PARD3B: variants seen among roughly 807,000 people sequenced by gnomAD.
PARD3B encodes partitioning defective 3 homolog B.
PARD3B carries 103 observed loss-of-function variants against 130.2 expected under a neutral mutation model. That is an observed-to-expected ratio of 0.79 (90% confidence interval 0.67 to 0.93). PARD3B has a LOEUF of 0.93. PARD3B is among the 40% of genes least tolerant of loss of function. The pLI, the probability that PARD3B is intolerant of heterozygous loss-of-function variation, is 0.00. For synonymous variants in PARD3B, 583 were observed against 553.2 expected, an observed-to-expected ratio of 1.05 and a Z score of -0.76; for missense variants, 1,609 against 1,499.2, an observed-to-expected ratio of 1.07 and a Z score of -1.21.
At chr2:205,419,765 A>T (rs937235737) in intron 19 of PARD3B, among the ~76,000 whole-genome samples, 1 of 152,200 alleles carries the variant, frequency 6.6e-6, no homozygotes, top group Non-Finnish European at 1.5e-5. Flanking sequence ...TGCCAGGCAC[A>T]TAGTAGACTC....
intron 13 of PARD3B, among the ~76,000 whole-genome samples, chr2:205,182,600 A>G (rs1431082459): frequency 6.6e-6 from 1 of 152,246 alleles, no homozygotes; most frequent in Non-Finnish European, 1.5e-5. Flanking sequence ...ATAGCTTGAT[A>G]GAACAATAAA....
intron 4 of PARD3B, chr2:205,048,589 A>T (rs533355135): frequency 1.3e-5 from 2 of 152,344 alleles, no homozygotes; most frequent in Admixed American, 1.3e-4. Flanking sequence ...CTCACTGTCT[A>T]TAACGCCTTA....
chr2:205,059,521 C>T (rs1220117037), intron 4 of PARD3B, among the ~76,000 whole-genome samples: 1 of 151,934 alleles, frequency 6.6e-6, no homozygotes, highest in Non-Finnish European at 1.5e-5. Context: ...GATCCTTATC[C>T]ACACCCTTTC....
rs796110781 is a variant in PARD3B, at chr2:204,583,503, A to G, written c.120+37384A>G. Among the ~76,000 whole-genome samples the G allele has an allele frequency of 7.1e-3, 833 of 117,782 alleles. 14 individuals are homozygous for G. Among genetic ancestry groups the G allele is most frequent in the African/African-American group, 0.025 (788 of 31,284 alleles). 77.3% of individuals were successfully genotyped at this position (117,782 alleles called of 152,430 possible). ...GGTGGGGGGAGGGGGGAGGGGTAGC[A>G]TTGGGAGATATACCTAATGCTAGAT... is the stretch of plus-strand genomic sequence containing the variant. On this transcript the variant is annotated intron_variant, in intron 1 of 22. Coordinates refer to ENST00000406610, the MANE Select transcript of PARD3B (RefSeq NM_001302769.2).
At chr2:205,175,066 T>C (rs1051305786) in intron 12 of PARD3B, among the ~76,000 whole-genome samples, 32 of 152,202 alleles carry the variant, frequency 2.1e-4, no homozygotes, top group African/African-American at 7.7e-4. Flanking sequence ...ATCCATTATA[T>C]TTTTTATTGG....
intron 3 of PARD3B, among the ~76,000 whole-genome samples, chr2:204,985,510 G>A (rs1173905611): frequency 2.0e-5 from 3 of 152,162 alleles, no homozygotes; most frequent in East Asian, 3.9e-4. Flanking sequence ...AGGAGAAAAT[G>A]TCATAATGTT....
At chr2:204,999,046 G>T (rs1694605753) in intron 3 of PARD3B, among the ~76,000 whole-genome samples, 1 of 151,266 alleles carries the variant, frequency 6.6e-6, no homozygotes, top group Non-Finnish European at 1.5e-5. Flanking sequence ...TCTCAAACTG[G>T]CAATAAAGTG....
chr2:205,052,425 A>G (rs1457854377), intron 4 of PARD3B, among the ~76,000 whole-genome samples: 2 of 14,494 alleles, frequency 1.4e-4, no homozygotes, highest in African/African-American at 2.2e-4. Flanking sequence ...ATATGTATAT[A>G]TATATATATA....
In PARD3B at chr2:205,251,802, C is replaced by G. The variant is rs184288290; in HGVS notation, c.2185+5980C>G. Among the ~76,000 whole-genome samples the G allele has an allele frequency of 2.3e-3, 349 of 152,270 alleles. 1 individual carries two copies. Among genetic ancestry groups the G allele is most frequent in the Non-Finnish European group, 4.3e-3 (292 of 68,010 alleles). On this transcript the variant is annotated intron_variant, in intron 16 of 22. Transcript: ENST00000406610. The stretch of plus-strand genomic sequence containing the variant: ...GTGTACTTGAACTCTTTTCTTTCCT[C>G]ATCGACTCATTAAGATATGACAGCA...
intron 18 of PARD3B, among the ~76,000 whole-genome samples, chr2:205,303,095 A>C (rs2042069440): frequency 6.6e-6 from 1 of 151,828 alleles, no homozygotes; most frequent in South Asian, 2.1e-4. Flanking sequence ...AAAAAAAAGC[A>C]ACTTGTTTGT....
chr2:204,805,863 C>G (rs545120626), intron 2 of PARD3B, among the ~76,000 whole-genome samples: 18 of 152,078 alleles, frequency 1.2e-4, no homozygotes, highest in Non-Finnish European at 2.2e-4. Context: ...ATTCAACATC[C>G]CTTCATGATA....
chr2:205,385,140 A>T (rs558003164), intron 18 of PARD3B, among the ~76,000 whole-genome samples: 1 of 152,262 alleles, frequency 6.6e-6, no homozygotes, highest in South Asian at 2.1e-4. Flanking sequence ...TACATAATTT[A>T]GTTTGCAGGA....
chr2:204,655,760 A>G (rs985134858), intron 1 of PARD3B, among the ~76,000 whole-genome samples: 2 of 152,038 alleles, frequency 1.3e-5, no homozygotes, highest in Non-Finnish European at 1.5e-5. Context: ...CTGAATAACA[A>G]CCACAAACCC....
chr2:204,761,904 C>G (rs896874331), intron 2 of PARD3B, among the ~76,000 whole-genome samples: 5 of 151,716 alleles, frequency 3.3e-5, no homozygotes, highest in Non-Finnish European at 1.5e-5. Context: ...ATATGTTGCC[C>G]TAGTGTCATG....
intron 3 of PARD3B, among the ~76,000 whole-genome samples, chr2:204,989,167 A>AG (rs1475258016): frequency 2.4e-4 from 37 of 152,224 alleles, no homozygotes; most frequent in African/African-American, 7.9e-4. Flanking sequence ...GGAGCTGGGG[A>AG]GGGTAAGTTC....
chr2:205,487,616 A>T (rs1030363628), intron 20 of PARD3B, among the ~76,000 whole-genome samples: 1 of 152,186 alleles, frequency 6.6e-6, no homozygotes, highest in African/African-American at 2.4e-5. Context: ...CTTTGATGGT[A>T]TTCCAGGATC....
intron 2 of PARD3B, among the ~76,000 whole-genome samples, chr2:204,811,963 A>G (rs2042977349): frequency 6.6e-6 from 1 of 152,134 alleles, no homozygotes; most frequent in Non-Finnish European, 1.5e-5. Context: ...ATATACCCAT[A>G]AAAGTTCACC....
chr2:204,840,712 T>G (rs2044229404), intron 2 of PARD3B, among the ~76,000 whole-genome samples: 1 of 152,176 alleles, frequency 6.6e-6, no homozygotes, highest in Admixed American at 6.5e-5. Context: ...GGGTTTCATC[T>G]TCTGCAGTTC....
intron 21 of PARD3B, among the ~76,000 whole-genome samples, chr2:205,506,167 T>G (rs2050355742): frequency 6.6e-6 from 1 of 152,054 alleles, no homozygotes; most frequent in Non-Finnish European, 1.5e-5. Context: ...ACCCTGTCTT[T>G]ACTAAAAATA....
Sources: allele counts gnomAD v4.1 joint callset (sites outside exome capture counted in the v4.1 genomes callset), GRCh38; gene constraint gnomAD v4.1.1; transcripts MANE v1.5; gene names NCBI Gene and HGNC (gene_info 2026-07-23, HGNC 2026-07-21).